The following SASH1 variants were observed in gnomAD, a reference collection of about 807,000 sequenced individuals.
SASH1 encodes SAM and SH3 domain-containing protein 1.
Under a neutral mutation model 125.2 loss-of-function variants are expected in SASH1, and 44 were observed. That is an observed-to-expected ratio of 0.35 (90% confidence interval 0.28 to 0.45). The LOEUF (loss-of-function observed/expected upper bound fraction) is 0.45, where lower values mean the gene tolerates loss of function less well. SASH1 is among the 20% of genes least tolerant of loss of function. The pLI, the probability that SASH1 is intolerant of heterozygous loss-of-function variation, is 1.00. For synonymous variants in SASH1, 639 were observed against 649.1 expected (o/e 0.98, Z 0.24); for missense variants, 1,426 against 1,614.5 (o/e 0.88, Z 2.00).
At chr6:148,530,354 G>T (rs552796642) in intron 12 of SASH1, among the ~76,000 whole-genome samples, 10 of 152,114 alleles carry the variant, frequency 6.6e-5, no homozygotes, top group African/African-American at 2.4e-4. Flanking sequence ...ATTTTAATGG[G>T]AAAAAAGTTA....
intron 8 of SASH1, among the ~76,000 whole-genome samples, chr6:148,488,020 T>C (rs967870788): frequency 2.0e-5 from 3 of 152,076 alleles, no homozygotes; most frequent in African/African-American, 7.2e-5. Flanking sequence ...ATGATATTGA[T>C]CATTAAGTAC....
At position 148,430,272 on chromosome 6, in the gene SASH1, GCTT is replaced by G. The variant is rs752625500; in HGVS notation, c.286-9903_286-9901del. On this transcript the variant is annotated intron_variant, in intron 2 of 19. Transcript: ENST00000367467. ...ATGATCAGGCTATTTGGTGAAGGGG[GCTT>G]CTTCTTCTGAAACGTGGACTTCATC... is the stretch of plus-strand genomic sequence containing the variant. Among the ~76,000 whole-genome samples the G allele has an allele frequency of 1.1e-4, 17 of 152,306 alleles. 1 individual carries two copies. The highest frequency in any genetic ancestry group is 3.9e-4 in the African/African-American group (16 of 41,552).
chr6:148,444,777 G>T (rs1776703342), intron 4 of SASH1, among the ~76,000 whole-genome samples: 1 of 152,208 alleles, frequency 6.6e-6, no homozygotes, highest in Admixed American at 6.5e-5. Context: ...TTCAGGGCAA[G>T]TCCATAGAGT....
At chr6:148,307,024 TTTTCTTTCTTTCTTTCTTTCTTTC>T (rs55686327) in intron 1 of SASH1, among the ~76,000 whole-genome samples, 8,449 of 120,700 alleles carry the variant, frequency 0.07, 413 homozygotes, top group African/African-American at 0.13. Flanking sequence ...TTTCTCTTTC[TTTTCTTTCTTTCTTTCTTTCTTTC>T]TTTCTTTCTT....
chr6:148,204,096 C>T, the SASH1 span, among the ~76,000 whole-genome samples: 112 of 152,276 alleles, frequency 7.4e-4, no homozygotes, highest in African/African-American at 2.6e-3. Context: ...GTGTTTGTGG[C>T]TAATCAGACA....
intron 2 of SASH1, among the ~76,000 whole-genome samples, chr6:148,437,233 G>A (rs1054574692): frequency 2.6e-5 from 4 of 152,004 alleles, no homozygotes; most frequent in Non-Finnish European, 5.9e-5. Context: ...TCATTTATAG[G>A]TCCTTAACTT....
intron 1 of SASH1, among the ~76,000 whole-genome samples, chr6:148,361,290 G>GA: frequency 6.6e-6 from 1 of 152,300 alleles, no homozygotes; most frequent in East Asian, 1.9e-4. Flanking sequence ...GCTGTTGGGA[G>GA]AAAGAGGAAA....
intron 2 of SASH1, among the ~76,000 whole-genome samples, chr6:148,414,992 CAA>C (rs1469593602): frequency 2.6e-5 from 4 of 152,202 alleles, no homozygotes; most frequent in Non-Finnish European, 5.9e-5. Flanking sequence ...ATACATTTCT[CAA>C]GAGGGAATAT....
chr6:148,441,639 A>T (rs554355913), intron 4 of SASH1, among the ~76,000 whole-genome samples: 7 of 152,220 alleles, frequency 4.6e-5, no homozygotes, highest in African/African-American at 1.7e-4. Context: ...TTCCTGCCCT[A>T]GTTTATTATG....
At chr6:148,537,746 T>C (rs1781935252) in intron 16 of SASH1, among the ~76,000 whole-genome samples, 1 of 151,826 alleles carries the variant, frequency 6.6e-6, no homozygotes, top group Admixed American at 6.6e-5. Flanking sequence ...CCTTTTGATG[T>C]TGGAATATTC....
At chr6:148,202,907 T>C in the SASH1 span, among the ~76,000 whole-genome samples, 9 of 152,026 alleles carry the variant, frequency 5.9e-5, no homozygotes, top group African/African-American at 2.2e-4. Flanking sequence ...TGAGCAGAGA[T>C]TGTGCCATTA....
At chr6:148,257,213 C>A in the SASH1 span, among the ~76,000 whole-genome samples, 1 of 152,064 alleles carries the variant, frequency 6.6e-6, no homozygotes, top group South Asian at 2.1e-4. Context: ...AGGAAGAGTC[C>A]AGTTCCGATC....
intron 2 of SASH1, among the ~76,000 whole-genome samples, chr6:148,414,109 A>C (rs530351524): frequency 6.6e-6 from 1 of 152,086 alleles, no homozygotes; most frequent in Admixed American, 6.6e-5. Flanking sequence ...TACTTTTGTC[A>C]GTACGATATT....
the SASH1 span, among the ~76,000 whole-genome samples, chr6:148,194,390 T>A: frequency 1.3e-5 from 2 of 152,260 alleles, no homozygotes; most frequent in Non-Finnish European, 1.5e-5. Context: ...TTTTGTTTTC[T>A]CCTTTCTAAT....
chr6:148,404,173 T>C (rs922666144), intron 2 of SASH1, among the ~76,000 whole-genome samples: 6 of 152,194 alleles, frequency 3.9e-5, no homozygotes, highest in African/African-American at 1.4e-4. Context: ...TAAGCATAAA[T>C]ATTTAATGAG....
At chr6:148,482,219 T>C (rs918175729) in intron 7 of SASH1, among the ~76,000 whole-genome samples, 1 of 152,246 alleles carries the variant, frequency 6.6e-6, no homozygotes, top group Non-Finnish European at 1.5e-5. Context: ...TCAGCATTGA[T>C]GAGTGATATT....
intron 4 of SASH1, among the ~76,000 whole-genome samples, chr6:148,467,973 T>C (rs527813214): frequency 1.3e-5 from 2 of 152,280 alleles, no homozygotes; most frequent in South Asian, 4.1e-4. Context: ...TTTTTGAACA[T>C]TGGAAGATTC....
At chr6:148,244,774 C>T in the SASH1 span, among the ~76,000 whole-genome samples, 1 of 152,152 alleles carries the variant, frequency 6.6e-6, no homozygotes, top group Non-Finnish European at 1.5e-5. Context: ...TAAGCATAGG[C>T]CCCAAGGGCG....
chr6:148,292,304 C>G (rs1240715691), intron 1 of SASH1, among the ~76,000 whole-genome samples: 2 of 152,148 alleles, frequency 1.3e-5, no homozygotes, highest in African/African-American at 4.8e-5. Context: ...GCCCTGAGCT[C>G]TGAGCTTGCC....
Sources: allele counts gnomAD v4.1 joint callset (sites outside exome capture counted in the v4.1 genomes callset), GRCh38; gene constraint gnomAD v4.1.1; transcripts MANE v1.5; gene names NCBI Gene and HGNC (gene_info 2026-07-23, HGNC 2026-07-21).